Variants in ZZEF1 observed in about 807,000 individuals in gnomAD.
The protein encoded by ZZEF1 is zinc finger ZZ-type and EF-hand domain-containing protein 1.
Under a neutral mutation model 342.8 loss-of-function variants are expected in ZZEF1, and 157 were observed. The observed-to-expected ratio is 0.46, with a 90% confidence interval of 0.40 to 0.52. ZZEF1 has a LOEUF of 0.52. ZZEF1 is among the 20% of genes least tolerant of loss of function. The pLI is 0.00. For missense variants in ZZEF1, 3,480 were observed against 3,725.6 expected, an observed-to-expected ratio of 0.93 and a Z score of 1.72; for synonymous variants, 1,505 against 1,429.1, an observed-to-expected ratio of 1.05 and a Z score of -1.20.
chr17:4,077,750 A>T (rs953361967), intron 19 of ZZEF1, 133 bp downstream of exon 19: 11 of 976,438 alleles, frequency 1.1e-5, no homozygotes, highest in Non-Finnish European at 1.6e-5. Flanking sequence ...AATTAGACCA[A>T]ACCAGTCCAA....
chr17:4,022,550 C>T, intron 44 of ZZEF1, 159 bp downstream of exon 44: 2 of 962,048 alleles, frequency 2.1e-6, no homozygotes, highest in Non-Finnish European at 3.1e-6. Flanking sequence ...TGTCATAATC[C>T]CTATTTCCAA....
chr17:4,067,085 G>A, intron 27 of ZZEF1, 78 bp downstream of exon 27: 1 of 1,223,720 alleles, frequency 8.2e-7, no homozygotes. Context: ...CTTGAGAAGA[G>A]AACAATTCAT....
chr17:4,059,827 T>C (rs370057742), intron 30 of ZZEF1, among the ~76,000 whole-genome samples: 9 of 152,236 alleles, frequency 5.9e-5, no homozygotes, highest in African/African-American at 1.9e-4. Flanking sequence ...GATGGTCATT[T>C]CCTGGACCTT....
In ZZEF1 at chr17:4,006,414, G is replaced by C. The variant is rs2055801454; in HGVS notation, c.*476C>G. 1 of 225,202 alleles carries C rather than the reference G, an allele frequency of 4.4e-6. No homozygotes were observed. Among genetic ancestry groups the C allele is most frequent in the Admixed American group, 5.3e-5 (1 of 19,018 alleles). 14.0% of individuals were successfully genotyped at this position (225,202 alleles called of 1,614,324 possible). ...GCTAGGAGGGGCTCTCGCCAGTTTT[G>C]GTTTGGTGTGAAAAGCAAAGAGGTG... is the stretch of plus-strand genomic sequence containing the variant. On this transcript the variant is annotated 3_prime_UTR_variant, in exon 55 of 55. Coordinates refer to ENST00000381638, the MANE Select transcript of ZZEF1 (RefSeq NM_015113.4).
At chr17:4,062,608 T>C (rs2057308394) in intron 30 of ZZEF1, 145 bp downstream of exon 30, 3 of 911,790 alleles carry the variant, frequency 3.3e-6, no homozygotes, top group Non-Finnish European at 4.7e-6. Context: ...AACCCATCTT[T>C]CCTTGGAATG....
intron 30 of ZZEF1, among the ~76,000 whole-genome samples, chr17:4,062,309 T>TCC (rs769994016): frequency 3.2e-4 from 49 of 151,590 alleles, no homozygotes; most frequent in Non-Finnish European, 6.3e-4. Flanking sequence ...TGTCTCTCTC[T>TCC]CCTCAATATA....
chr17:4,088,978 GTCTT>G, intron 12 of ZZEF1, 85 bp from the exon 13 acceptor site: 1 of 1,301,304 alleles, frequency 7.7e-7, no homozygotes, highest in Non-Finnish European at 1.1e-6. Context: ...TTCCGGGAAG[GTCTT>G]CCTATGATTT....
chr17:4,096,815 T>C (rs2058041763), intron 9 of ZZEF1, 115 bp from the exon 10 acceptor site: 2 of 793,822 alleles, frequency 2.5e-6, no homozygotes, highest in African/African-American at 1.7e-5. Flanking sequence ...TGGTCTGATA[T>C]CTTCACGAAA....
At chr17:4,122,922 C>CT (rs71144167) in intron 2 of ZZEF1, among the ~76,000 whole-genome samples, 120,737 of 136,684 alleles carry the variant, frequency 0.88, 54,962 homozygotes, top group East Asian at 0.99. Context: ...TGACCTCTTC[C>CT]TTTTTTTTTT....
chr17:4,009,501 T>C (rs755775457), intron 53 of ZZEF1, 103 bp downstream of exon 53: 22 of 1,526,114 alleles, frequency 1.4e-5, no homozygotes, highest in Non-Finnish European at 2.0e-5. Context: ...GTCGAGACCC[T>C]GGCCACTCAG....
At position 4,142,605 on chromosome 17, in the gene ZZEF1, C is replaced by G. The variant is rs747485552; in HGVS notation, c.291G>C (p.Leu97=). 1.9e-6 allele frequency: 3 copies of G among 1,605,456 alleles called. No individual in the cohort carries two copies. The highest frequency in any genetic ancestry group is 1.1e-5 in the South Asian group (1 of 91,046). Residue 97 remains leucine, a synonymous_variant, in exon 1 of 55, where the codon CTG becomes CTC. Coordinates refer to ENST00000381638, the MANE Select transcript of ZZEF1 (RefSeq NM_015113.4). ...RLGRGEESVT[L]EQFRELLEAR... ...CCTCCAGCAGCTCCCGGAACTGCTC[C>G]AGAGTGACAGACTCTTCGCCGCGGC...
intron 39 of ZZEF1, among the ~76,000 whole-genome samples, chr17:4,037,500 C>G (rs1281410577): frequency 1.3e-5 from 2 of 152,170 alleles, no homozygotes; most frequent in Non-Finnish European, 2.9e-5. Context: ...CTCATGATCA[C>G]GAAAGTAAAG....
chr17:4,057,246 C>T (rs761907534), intron 32 of ZZEF1, among the ~76,000 whole-genome samples: 2 of 152,186 alleles, frequency 1.3e-5, no homozygotes, highest in African/African-American at 2.4e-5. Flanking sequence ...AGTGCTGCCC[C>T]GCCTCTGCCA....
chr17:4,054,321 T>C (rs1195808905), intron 33 of ZZEF1, 126 bp from the exon 34 acceptor site: 5 of 1,053,408 alleles, frequency 4.7e-6, no homozygotes, highest in Non-Finnish European at 6.8e-6. Context: ...TAGGATTTGA[T>C]AATGAATAAG....
chr17:4,087,588 A>AGAAG (rs2057856562), intron 13 of ZZEF1, 54 bp from the exon 14 acceptor site: 1 of 1,448,612 alleles, frequency 6.9e-7, no homozygotes, highest in Non-Finnish European at 9.5e-7. Flanking sequence ...ATTTAGAGAA[A>AGAAG]TACTGTAATG....
At chr17:4,047,874 G>C (rs900261799) in intron 37 of ZZEF1, among the ~76,000 whole-genome samples, 8 of 150,206 alleles carry the variant, frequency 5.3e-5, no homozygotes, top group African/African-American at 2.0e-4. Flanking sequence ...CCAGGAGGTG[G>C]AGGTTGCAGT....
At chr17:4,124,975 T>C (rs1025567903) in intron 1 of ZZEF1, among the ~76,000 whole-genome samples, 3 of 152,220 alleles carry the variant, frequency 2.0e-5, no homozygotes, top group African/African-American at 7.2e-5. Flanking sequence ...CCACAGCTTC[T>C]TGATCTGAAA....
At chr17:4,118,845 C>T (rs2058439198) in intron 2 of ZZEF1, among the ~76,000 whole-genome samples, 1 of 152,196 alleles carries the variant, frequency 6.6e-6, no homozygotes, top group African/African-American at 2.4e-5. Context: ...TTATTTCCCA[C>T]CCCCTGGCAC....
At chr17:4,090,695 G>A (rs752137886) in intron 12 of ZZEF1, 24 bp downstream of exon 12, 15 of 1,578,900 alleles carry the variant, frequency 9.5e-6, no homozygotes, top group Non-Finnish European at 1.2e-5. Context: ...GAGGGGAGTG[G>A]GCAAACGACG....
Sources: allele counts gnomAD v4.1 joint callset (sites outside exome capture counted in the v4.1 genomes callset), GRCh38; gene constraint gnomAD v4.1.1; transcripts MANE v1.5; gene names NCBI Gene and HGNC (gene_info 2026-07-23, HGNC 2026-07-21).